LAMA4: variants seen among roughly 807,000 people sequenced by gnomAD.
The protein encoded by LAMA4 is laminin subunit alpha-4.
LAMA4 carries 127 observed loss-of-function variants against 207.1 expected under a neutral mutation model. That is an observed-to-expected ratio of 0.61 (90% CI 0.53 to 0.71). The LOEUF is 0.71. Among genes scored for constraint, LAMA4 ranks in the 30% least tolerant of loss-of-function variants. The probability of loss-of-function intolerance (pLI) is 0.00; values close to 1 mark genes in which losing one functional copy is unlikely to be tolerated. For synonymous variants in LAMA4, 761 were observed against 816.0 expected (o/e 0.93, Z 1.15); for missense variants, 2,093 against 2,246.5 (o/e 0.93, Z 1.38).
intron 2 of LAMA4, chr6:112,251,701 C>A (rs1241029677): frequency 6.6e-6 from 1 of 152,236 alleles, no homozygotes; most frequent in Non-Finnish European, 1.5e-5. Context: ...GCATGGGAAA[C>A]CTGATGGTGG....
At chr6:112,253,761 T>C in intron 2 of LAMA4, 195 bp downstream of exon 2, 2 of 1,613,952 alleles carry the variant, frequency 1.2e-6, no homozygotes, top group Non-Finnish European at 1.7e-6. Context: ...AAGCCTCAAC[T>C]TTCAACTCTC....
chr6:112,238,159 G>A lies in LAMA4; in HGVS notation c.195+15797C>T, dbSNP rs797028794. 3.7e-4 allele frequency among the ~76,000 whole-genome samples: 57 copies of A among 152,350 alleles called. 1 individual carries two copies. Among genetic ancestry groups the A allele is most frequent in the African/African-American group, 1.3e-3 (56 of 41,580 alleles). On this transcript the variant is annotated intron_variant, in intron 2 of 38. Transcript: ENST00000230538. ...GTCACCTGGGAATGTTCCACCAGGA[G>A]TGAATGTTCCTTCTATATCCTTGAA...
At position 112,165,181 on chromosome 6, in the gene LAMA4, T is replaced by A. The variant is rs149459643; in HGVS notation, c.1647A>T (p.Ser549=). ...TTACCTTTATTATATCATCAAGTTC[T>A]GAAAGAGTTAGACGAGGTGTTGTCA... is the stretch of plus-strand genomic sequence containing the variant. ...DSLTTPRLTL[S]ELDDIIKNAS... is the part of the protein sequence containing the mutation. The change falls in exon 13 of 39, where the codon TCA becomes TCT. Residue 549 remains serine, a synonymous_variant. Transcript: ENST00000230538. 5.0e-5 allele frequency: 81 copies of A among 1,608,602 alleles called. No homozygotes were observed. Among genetic ancestry groups the A allele is most frequent in the Non-Finnish European group, 1.7e-6 (2 of 1,174,922 alleles).
chr6:112,184,597 T>C (rs559438113), intron 9 of LAMA4, among the ~76,000 whole-genome samples: 1 of 152,336 alleles, frequency 6.6e-6, no homozygotes, highest in African/African-American at 2.4e-5. Context: ...ATTTGAAATT[T>C]TATCTTGTCA....
At chr6:112,184,050 T>C (rs782417318) in intron 9 of LAMA4, among the ~76,000 whole-genome samples, 1 of 151,966 alleles carries the variant, frequency 6.6e-6, no homozygotes, top group Non-Finnish European at 1.5e-5. Context: ...TCCACAAATA[T>C]TTATTTCTTG....
At position 112,254,503 on chromosome 6, in the gene LAMA4, C is replaced by G. The variant is rs1227147154; in HGVS notation, c.-186G>C. ...GACGGATTGGGGTGAGCCCCGCCAG[C>G]GCTAGGCCACCTCCTCTCCCTGGCC... On this transcript the variant is annotated 5_prime_UTR_variant, in exon 1 of 39. Transcript: ENST00000230538. The G allele has an allele frequency of 8.0e-6, 3 of 373,466 alleles. No homozygotes were observed. The highest frequency in any genetic ancestry group is 4.2e-5 in the African/African-American group (2 of 47,756). The allele number at this position is 373,466 out of a possible 1,614,324, so 23.1% of individuals were successfully genotyped here.
At chr6:112,136,825 G>A (rs1306578694) in intron 24 of LAMA4, among the ~76,000 whole-genome samples, 2 of 152,054 alleles carry the variant, frequency 1.3e-5, no homozygotes, top group Middle Eastern at 3.2e-3. Flanking sequence ...AATGGATGAA[G>A]TTTTAAGTCT....
At chr6:112,191,885 A>C (rs1783142021) in intron 5 of LAMA4, 35 bp from the exon 6 acceptor site, 1 of 1,477,028 alleles carries the variant, frequency 6.8e-7, no homozygotes, top group African/African-American at 1.4e-5. Flanking sequence ...AATATTTAGC[A>C]TCATGGTTTT....
intron 13 of LAMA4, 100 bp from the exon 14 acceptor site, chr6:112,158,980 G>T (rs1780891248): frequency 2.3e-6 from 2 of 854,208 alleles, no homozygotes; most frequent in East Asian, 2.7e-5. Flanking sequence ...TATTATGAAG[G>T]TCAGTAAATT....
At chr6:112,124,819 C>T (rs782770785) in intron 31 of LAMA4, among the ~76,000 whole-genome samples, 5 of 150,374 alleles carry the variant, frequency 3.3e-5, no homozygotes, top group East Asian at 3.9e-4. Flanking sequence ...TGCAGTGGCG[C>T]GATGTCAGCT....
chr6:112,174,275 T>C (rs1554342902), intron 11 of LAMA4, among the ~76,000 whole-genome samples: 1 of 152,168 alleles, frequency 6.6e-6, no homozygotes, highest in Non-Finnish European at 1.5e-5. Flanking sequence ...AAAGCTGCCG[T>C]TATGTGAACA....
chr6:112,181,253 T>C (rs1782339674), intron 9 of LAMA4, among the ~76,000 whole-genome samples: 1 of 152,200 alleles, frequency 6.6e-6, no homozygotes, highest in Admixed American at 6.5e-5. Flanking sequence ...CTATTGTCAG[T>C]CTTCACTGGC....
At chr6:112,189,274 G>T in intron 6 of LAMA4, 69 bp from the exon 7 acceptor site, 1 of 1,095,560 alleles carries the variant, frequency 9.1e-7, no homozygotes, top group Non-Finnish European at 1.4e-6. Flanking sequence ...ATATTTTCCT[G>T]GTTTCTAGAA....
chr6:112,116,724 T>C (rs782266224), intron 35 of LAMA4, among the ~76,000 whole-genome samples: 61 of 152,322 alleles, frequency 4.0e-4, no homozygotes, highest in Non-Finnish European at 2.9e-4. Context: ...TAATGTATCC[T>C]ATAAATCATT....
In LAMA4 at chr6:112,244,378, C is replaced by T. The variant is rs1786755154; in HGVS notation, c.195+9578G>A. 1.3e-5 allele frequency among the ~76,000 whole-genome samples: 2 copies of T among 152,190 alleles called. 1 individual carries two copies. The highest frequency in any genetic ancestry group is 4.1e-4 in the South Asian group (2 of 4,826). ...AAGGCCTGAAAGGTGGAGAAACTCA[C>T]GGTTCTGAGACTTCCCCATCCCTTT... is the stretch of plus-strand genomic sequence containing the variant. On this transcript the variant is annotated intron_variant, in intron 2 of 38. Transcript: ENST00000230538.
intron 12 of LAMA4, chr6:112,172,062 T>G: frequency 6.2e-6 from 1 of 161,952 alleles, no homozygotes; most frequent in Non-Finnish European, 1.4e-5. Context: ...CACTACCAGT[T>G]CTCAGCTTTG....
Position 112,233,381 on chromosome 6 carries a change from AT to A in LAMA4, c.196-16913del, listed in dbSNP as rs376612845. Among the ~76,000 whole-genome samples the A allele has an allele frequency of 2.5e-3, 375 of 152,210 alleles. 3 individuals carry two copies. The highest frequency in any genetic ancestry group is 8.7e-3 in the African/African-American group (360 of 41,522). On this transcript the variant is annotated intron_variant, in intron 2 of 38. Coordinates refer to ENST00000230538, the MANE Select transcript of LAMA4 (RefSeq NM_001105206.3). ...CAAATAATTGTGGAATGCATAAACA[AT>A]TTTTTTTGAGCACGAATTTTAAAAG...
chr6:112,122,452 G>A (rs1318458599), intron 31 of LAMA4, among the ~76,000 whole-genome samples: 1 of 152,116 alleles, frequency 6.6e-6, no homozygotes, highest in Non-Finnish European at 1.5e-5. Flanking sequence ...GTAAAGCAAA[G>A]TTAAACTGAA....
intron 15 of LAMA4, 200 bp downstream of exon 15, chr6:112,155,365 T>G (rs1445200600): frequency 1.6e-6 from 1 of 616,020 alleles, no homozygotes; most frequent in Non-Finnish European, 2.8e-6. Flanking sequence ...TGGCATTTGC[T>G]GACTGGACTA....
Sources: allele counts gnomAD v4.1 joint callset (sites outside exome capture counted in the v4.1 genomes callset), GRCh38; gene constraint gnomAD v4.1.1; transcripts MANE v1.5; gene names NCBI Gene and HGNC (gene_info 2026-07-23, HGNC 2026-07-21).